Variants in MRPL39 observed in about 807,000 individuals in gnomAD.
MRPL39 encodes mitochondrial ribosomal protein L39, also known as large ribosomal subunit protein mL39.
MRPL39 carries 35 observed loss-of-function variants against 44.5 expected under a neutral mutation model. The ratio of observed to expected loss-of-function variants is 0.79; its 90% CI spans 0.60 to 1.04. The LOEUF (loss-of-function observed/expected upper bound fraction) is 1.04. Among genes scored for constraint, MRPL39 ranks in the 50% least tolerant of loss-of-function variants. The pLI is 0.00. For missense variants in MRPL39, 433 were observed against 413.5 expected (o/e 1.05, Z -0.41); for synonymous variants, 139 against 136.1 (o/e 1.02, Z -0.15).
intron 4 of MRPL39, 128 bp downstream of exon 4, chr21:25,601,240 T>G (rs2031512628): frequency 2.2e-6 from 1 of 449,400 alleles, no homozygotes; most frequent in Admixed American, 3.7e-5. Flanking sequence ...GTAAGAAAGA[T>G]TTTGTTACCC....
At chr21:25,601,875 AATT>A (rs750542664) in intron 3 of MRPL39, among the ~76,000 whole-genome samples, 28 of 152,240 alleles carry the variant, frequency 1.8e-4, no homozygotes, top group African/African-American at 2.9e-4. Flanking sequence ...AACTTTTATG[AATT>A]ATTAGTGACT....
chr21:25,586,803 T>C (rs1242692540), intron 9 of MRPL39, among the ~76,000 whole-genome samples: 1 of 152,230 alleles, frequency 6.6e-6, no homozygotes, highest in Non-Finnish European at 1.5e-5. Context: ...GAGACTCCAA[T>C]TCCTGGAAGC....
At chr21:25,592,483 G>C (rs2123231087) in intron 8 of MRPL39, among the ~76,000 whole-genome samples, 1 of 152,126 alleles carries the variant, frequency 6.6e-6, no homozygotes, top group African/African-American at 2.4e-5. Context: ...AGAGGGAAGA[G>C]CATGCCAAAT....
rs557999369 is a variant in MRPL39, at chr21:25,585,809, T to G, written c.970-55A>C. On this transcript the variant is annotated intron_variant, in intron 9 of 9. Transcript: ENST00000352957. ...TAATAAACACTTTCAGTTTTACCCT[T>G]CACCCACCATTTTAAATCATTCCAC... 1.1e-5 allele frequency: 14 copies of G among 1,248,352 alleles called. No homozygotes were observed. The South Asian group carries it at 1.8e-4, about 16-fold the overall frequency. 77.3% of individuals were successfully genotyped at this position (1,248,352 alleles called of 1,614,324 possible).
chr21:25,599,682 A>C lies in MRPL39; in HGVS notation c.588+117T>G, dbSNP rs1601379589. The C allele has an allele frequency of 3.7e-6, 3 of 817,700 alleles. No homozygotes were observed. In the East Asian group the frequency reaches 7.6e-5, roughly 21 times the overall value. 50.7% of individuals were successfully genotyped at this position (817,700 alleles called of 1,614,324 possible). On this transcript the variant is annotated intron_variant, in intron 5 of 9. Coordinates refer to ENST00000352957, the MANE Select transcript of MRPL39 (RefSeq NM_017446.4). ...GATACATAGATACATAGATAGATACATAGATTCTTTTAAATGTTCTCAACA... is the reference window on the plus strand; with the variant it reads ...GATACATAGATACATAGATAGATACCTAGATTCTTTTAAATGTTCTCAACA...
At chr21:25,606,397 C>T in intron 2 of MRPL39, 52 bp downstream of exon 2, 1 of 1,453,560 alleles carries the variant, frequency 6.9e-7, no homozygotes, top group Non-Finnish European at 9.4e-7. Context: ...ACCAGTGCTT[C>T]CACACAGCTT....
chr21:25,607,341 C>T (rs535392696), intron 1 of MRPL39, 62 bp downstream of exon 1: 3 of 1,587,472 alleles, frequency 1.9e-6, no homozygotes, highest in East Asian at 4.5e-5. Flanking sequence ...GCCTCAGACC[C>T]AATCTAGACA....
Position 25,592,857 on chromosome 21 carries a change from A to G in MRPL39, c.876T>C (p.Ser292=). The change falls in exon 8 of 10, where the codon AGT becomes AGC. Residue 292 remains serine (S), a synonymous_variant. Transcript: ENST00000352957. The part of the protein sequence containing the change: ...AVHNLQPTQP[S]LIRRFQGVSL... ...ACACGCCCTGGAATCTTCGTATGAGACTTGGCTGGGTGGGTTGAAGATTGT... is the reference window on the plus strand; with the variant it reads ...ACACGCCCTGGAATCTTCGTATGAGGCTTGGCTGGGTGGGTTGAAGATTGT... 1 of 1,612,898 alleles carries G rather than the reference A, an allele frequency of 6.2e-7. No individual in the cohort carries two copies. Among genetic ancestry groups the G allele is most frequent in the African/African-American group, 1.3e-5 (1 of 75,004 alleles).
rs1568867748 is a variant in MRPL39 at position 25,606,556 on chromosome 21, AATG to A, written c.170_172del (p.Ser57del). 2.5e-6 allele frequency: 4 copies of A among 1,613,952 alleles called. No homozygotes were observed. Among genetic ancestry groups the A allele is most frequent in the Middle Eastern group, 3.3e-4 (2 of 6,062 alleles). ...TTCTATCTTCTCAGTTCGGGGAGTT[AATG>A]ATAACTGCCTGGCTTTCTCTTTATT... is the stretch of plus-strand genomic sequence containing the variant. On this transcript the variant is annotated inframe_deletion, in exon 2 of 10. Transcript: ENST00000352957.
intron 8 of MRPL39, 59 bp downstream of exon 8, chr21:25,592,753 A>G: frequency 2.3e-6 from 3 of 1,292,224 alleles, no homozygotes; most frequent in Non-Finnish European, 3.2e-6. Context: ...GTATAAAATC[A>G]AGTCCGGAAT....
Position 25,606,639 on chromosome 21 carries a change from C to T in MRPL39, c.90G>A (p.Ser30=), listed in dbSNP as rs768326733. 8 of 1,610,832 alleles carry T rather than the reference C, an allele frequency of 5.0e-6. No homozygotes were observed. In the African/African-American group the frequency reaches 1.1e-4, roughly 22 times the overall value. The change falls in exon 2 of 10, where the codon TCG becomes TCA. Residue 30 remains serine, a synonymous_variant. Transcript: ENST00000352957. ...CTGTCGGTGACAGCTGAGAAGCTGA[C>T]GATGTTGCTATAAATCCTGTGGAGA... ...GGIKWRFIAT[S]SASQLSPTEL...
chr21:25,598,859 A>G (rs1044015078), intron 5 of MRPL39, among the ~76,000 whole-genome samples: 100 of 18,746 alleles, frequency 5.3e-3, no homozygotes, highest in Middle Eastern at 0.05. Flanking sequence ...CTAAGGGGAA[A>G]AAAAAAAAAA....
chr21:25,605,323 C>T (rs182257045), intron 2 of MRPL39, among the ~76,000 whole-genome samples: 176 of 152,270 alleles, frequency 1.2e-3, no homozygotes, highest in African/African-American at 4.0e-3. Flanking sequence ...CATTTCCACA[C>T]AAAATCACAC....
At chr21:25,602,754 TA>T (rs2031558035) in intron 3 of MRPL39, among the ~76,000 whole-genome samples, 1 of 152,224 alleles carries the variant, frequency 6.6e-6, no homozygotes, top group Non-Finnish European at 1.5e-5. Context: ...AATTGAATTG[TA>T]AAAGATAAAT....
chr21:25,594,402 C>A (rs1485156022), intron 6 of MRPL39, among the ~76,000 whole-genome samples: 1 of 151,892 alleles, frequency 6.6e-6, no homozygotes, highest in Non-Finnish European at 1.5e-5. Flanking sequence ...CAGGTGTGAG[C>A]CACCATGCCG....
chr21:25,596,377 C>T (rs911386290), intron 6 of MRPL39, among the ~76,000 whole-genome samples: 32 of 152,182 alleles, frequency 2.1e-4, no homozygotes, highest in African/African-American at 7.7e-4. Flanking sequence ...GGATTACAGG[C>T]GTGAGCCACC....
At chr21:25,604,756 C>G (rs1406266891) in intron 2 of MRPL39, among the ~76,000 whole-genome samples, 1 of 152,198 alleles carries the variant, frequency 6.6e-6, no homozygotes, top group African/African-American at 2.4e-5. Flanking sequence ...ACTACATAAA[C>G]CCCGTAAAGT....
At position 25,585,728 on chromosome 21, in the gene MRPL39, T is replaced by G; in HGVS notation, c.996A>C (p.Thr332=). 6.4e-7 allele frequency: 1 copy of G among 1,570,942 alleles called. No individual in the cohort carries two copies. The highest frequency in any genetic ancestry group is 2.3e-5 in the East Asian group (1 of 43,888). ...GTTATTAGGTAGATGTACATTCCTC[T>G]GTTGCTTTACTTTGATCTTCAGTTA... is the stretch of plus-strand genomic sequence containing the variant. The part of the protein sequence containing the change: ...KMVTEDQSKA[T]EECTST The change falls in exon 10 of 10, where the codon ACA becomes ACC. Residue 332 remains threonine, a synonymous_variant. Coordinates refer to ENST00000352957, the MANE Select transcript of MRPL39 (RefSeq NM_017446.4).
chr21:25,607,764 CAG>C (rs2031741328), upstream of MRPL39, among the ~76,000 whole-genome samples: 2 of 152,100 alleles, frequency 1.3e-5, no homozygotes, highest in South Asian at 4.1e-4. Context: ...TGCAGGGAAA[CAG>C]AGTTCCACAG....
Sources: gnomAD v4.1 joint callset for allele counts (sites outside exome capture counted in the v4.1 genomes callset) on GRCh38, gnomAD v4.1.1 for gene constraint, MANE v1.5 for transcripts, NCBI Gene and HGNC (gene_info 2026-07-23, HGNC 2026-07-21) for gene names.